Variants in CSMD3 observed in about 807,000 individuals in gnomAD.
CSMD3 encodes CUB and Sushi multiple domains 3.
Under a neutral mutation model 435.2 loss-of-function variants are expected in CSMD3, and 177 were observed. The ratio of observed to expected loss-of-function variants is 0.41; its 90% CI spans 0.36 to 0.46. CSMD3 has a LOEUF of 0.46. Ranked by LOEUF, CSMD3 falls within the 20% of genes least tolerant of loss-of-function variation. The pLI is 0.34. For missense variants in CSMD3, 4,265 were observed against 4,504.6 expected (o/e 0.95, Z 1.52); for synonymous variants, 1,656 against 1,520.5 (o/e 1.09, Z -2.07).
At chr8:113,404,880 G>T (rs2094525786) in intron 1 of CSMD3, among the ~76,000 whole-genome samples, 2 of 151,392 alleles carry the variant, frequency 1.3e-5, no homozygotes, top group South Asian at 4.1e-4. Flanking sequence ...AGTGACACTT[G>T]TTTCATCCCT....
intron 42 of CSMD3, among the ~76,000 whole-genome samples, chr8:112,339,515 G>C (rs531710694): frequency 2.8e-4 from 43 of 152,150 alleles, no homozygotes; most frequent in African/African-American, 9.9e-4. Flanking sequence ...CTCTGCTTTC[G>C]TTCTTTTGTT....
intron 13 of CSMD3, among the ~76,000 whole-genome samples, chr8:112,724,969 T>C (rs1199269149): frequency 2.6e-5 from 4 of 152,080 alleles, no homozygotes; most frequent in African/African-American, 9.6e-5. Flanking sequence ...AGAACATTTT[T>C]GACTTTGCCA....
chr8:112,764,340 A>G (rs927249489), intron 13 of CSMD3, among the ~76,000 whole-genome samples: 32 of 151,644 alleles, frequency 2.1e-4, no homozygotes, highest in African/African-American at 7.7e-4. Context: ...TTTAATAAAA[A>G]TACCAAAATT....
intron 3 of CSMD3, among the ~76,000 whole-genome samples, chr8:113,271,749 G>A (rs1303196287): frequency 6.6e-6 from 1 of 152,090 alleles, no homozygotes; most frequent in Non-Finnish European, 1.5e-5. Context: ...TGTGAGAAGA[G>A]GGCCACCATC....
chr8:112,495,363 C>G (rs1004795226), intron 30 of CSMD3, among the ~76,000 whole-genome samples: 5 of 152,144 alleles, frequency 3.3e-5, no homozygotes, highest in Non-Finnish European at 1.5e-5. Context: ...CTTTCTCCTT[C>G]TTTGAAGTTT....
intron 38 of CSMD3, among the ~76,000 whole-genome samples, chr8:112,362,031 T>C (rs1742572008): frequency 6.6e-6 from 1 of 151,906 alleles, no homozygotes; most frequent in South Asian, 2.1e-4. Flanking sequence ...ACATTCCACA[T>C]CTATCATTAT....
intron 61 of CSMD3, among the ~76,000 whole-genome samples, chr8:112,261,024 C>A (rs1816341097): frequency 6.6e-6 from 1 of 152,048 alleles, no homozygotes; most frequent in African/African-American, 2.4e-5. Flanking sequence ...GAACTGCAGT[C>A]TAGACCACTA....
chr8:112,969,854 A>G (rs1040189689), intron 7 of CSMD3, among the ~76,000 whole-genome samples: 1 of 152,068 alleles, frequency 6.6e-6, no homozygotes, highest in African/African-American at 2.4e-5. Context: ...ACAGTGGAGT[A>G]AAACACATCT....
At chr8:112,523,382 A>G (rs534335543) in intron 27 of CSMD3, among the ~76,000 whole-genome samples, 1 of 152,104 alleles carries the variant, frequency 6.6e-6, no homozygotes, top group Admixed American at 6.6e-5. Flanking sequence ...CAATTCTGAA[A>G]TGAAAAAACA....
At position 112,287,121 on chromosome 8, in the gene CSMD3, C is replaced by T. The variant is rs187483049; in HGVS notation, c.9274G>A (p.Glu3092Lys). ...CDTGYILHGS[E>K]ERTCLANGSW... Reference sequence around the variant, plus strand: ...CCATTAGCTAAACATGTTCTTTCTTCTGAGCCATGAAGGATGTAACCAGTA... The same window carrying T: ...CCATTAGCTAAACATGTTCTTTCTTTTGAGCCATGAAGGATGTAACCAGTA... Residue 3092 changes from glutamate to lysine, a missense_variant, in exon 58 of 71, where the codon GAA becomes AAA. Transcript: ENST00000297405. 23 of 1,613,756 alleles carry T rather than the reference C, an allele frequency of 1.4e-5. No homozygotes were observed. In the African/African-American group the frequency reaches 2.4e-4, roughly 17 times the overall value.
chr8:112,518,313 C>A (rs961160999), intron 27 of CSMD3, among the ~76,000 whole-genome samples: 2 of 150,686 alleles, frequency 1.3e-5, no homozygotes, highest in Middle Eastern at 3.4e-3. Context: ...CCAGCCTGGG[C>A]AACTAAGTGA....
intron 13 of CSMD3, among the ~76,000 whole-genome samples, chr8:112,794,285 C>CTTTTTT (rs1203991072): frequency 1.6e-4 from 15 of 96,344 alleles, no homozygotes; most frequent in South Asian, 7.9e-4. Context: ...GACTGATAAA[C>CTTTTTT]TTTTTTTTTT....
At chr8:112,889,379 T>A (rs1226024807) in intron 10 of CSMD3, among the ~76,000 whole-genome samples, 1 of 151,614 alleles carries the variant, frequency 6.6e-6, no homozygotes, top group African/African-American at 2.4e-5. Flanking sequence ...TTCTTCCATA[T>A]CATTAAAGAC....
At chr8:112,853,074 G>A (rs913575293) in intron 11 of CSMD3, among the ~76,000 whole-genome samples, 1 of 151,958 alleles carries the variant, frequency 6.6e-6, no homozygotes, top group Admixed American at 6.6e-5. Flanking sequence ...ATTCTTCCAC[G>A]GATATTTGTT....
At chr8:112,873,000 A>G (rs774351363) in intron 10 of CSMD3, among the ~76,000 whole-genome samples, 17 of 151,964 alleles carry the variant, frequency 1.1e-4, no homozygotes, top group Non-Finnish European at 2.1e-4. Flanking sequence ...TCAGACAACA[A>G]ATTCTACAAA....
intron 57 of CSMD3, among the ~76,000 whole-genome samples, chr8:112,288,206 T>C (rs971684825): frequency 1.3e-5 from 2 of 151,044 alleles, no homozygotes; most frequent in Non-Finnish European, 3.0e-5. Flanking sequence ...CTTTTAAATA[T>C]CTGTGTACCA....
intron 11 of CSMD3, among the ~76,000 whole-genome samples, chr8:112,847,311 A>T: frequency 6.6e-6 from 1 of 152,236 alleles, no homozygotes; most frequent in East Asian, 1.9e-4. Context: ...TTCAGGCTAC[A>T]GGAGCCCACT....
At chr8:112,299,872 C>G (rs1820738940) in intron 53 of CSMD3, among the ~76,000 whole-genome samples, 1 of 151,776 alleles carries the variant, frequency 6.6e-6, no homozygotes, top group African/African-American at 2.4e-5. Flanking sequence ...TCTCCTTAGA[C>G]TAAGAGGCAA....
intron 24 of CSMD3, among the ~76,000 whole-genome samples, chr8:112,567,872 G>T (rs1399756028): frequency 2.0e-5 from 3 of 152,152 alleles, no homozygotes; most frequent in Non-Finnish European, 4.4e-5. Flanking sequence ...CAGAAGAACA[G>T]GTATGCCTTT....
Sources: allele counts gnomAD v4.1 joint callset (sites outside exome capture counted in the v4.1 genomes callset), GRCh38; gene constraint gnomAD v4.1.1; transcripts MANE v1.5; gene names NCBI Gene and HGNC (gene_info 2026-07-23, HGNC 2026-07-21).